The following ZNF85 variants were observed in gnomAD, a reference collection of about 807,000 sequenced individuals.
ZNF85 encodes the protein zinc finger protein 85.
Under a neutral mutation model 53.9 loss-of-function variants are expected in ZNF85, and 50 were observed. The observed-to-expected ratio is 0.93, with a 90% CI of 0.74 to 1.17. The LOEUF (loss-of-function observed/expected upper bound fraction) is 1.17, where lower values mean the gene tolerates loss of function less well. Ranked by LOEUF, ZNF85 falls within the 50% of genes most tolerant of loss-of-function variation. The pLI, the probability that ZNF85 is intolerant of heterozygous loss-of-function variation, is 0.00. For synonymous variants in ZNF85, 225 were observed against 226.1 expected (o/e 1.00, Z 0.04); for missense variants, 747 against 688.5 (o/e 1.08, Z -0.95).
chr19:20,946,393 A>G (rs1159561364), intron 3 of ZNF85: 5 of 387,800 alleles, frequency 1.3e-5, no homozygotes, highest in Middle Eastern at 3.8e-4. Context: ...GTTAGAAGTA[A>G]TTGTTTTATA....
At position 20,934,005 on chromosome 19, in the gene ZNF85, ATG is replaced by A; in HGVS notation, c.4-11_4-10del. On this transcript the variant is annotated splice_polypyrimidine_tract_variant and intron_variant, in intron 1 of 3. Transcript: ENST00000328178. The stretch of plus-strand genomic sequence containing the variant: ...TGTGTGTGTGTGTGTGTGTATGTGT[ATG>A]TGTGTGTATCTTTCAGGGACCATTG... 3 of 1,420,330 alleles carry A rather than the reference ATG, an allele frequency of 2.1e-6. No individual in the cohort carries two copies. Among genetic ancestry groups the A allele is most frequent in the Admixed American group, 2.0e-5 (1 of 49,084 alleles). The allele number at this position is 1,420,330 out of a possible 1,614,324, so 88.0% of individuals were successfully genotyped here.
chr19:20,943,955 A>G, intron 3 of ZNF85: 5 of 237,244 alleles, frequency 2.1e-5, no homozygotes, highest in Non-Finnish European at 3.4e-5. Context: ...TGCATGTAAT[A>G]AAAAGTTTTT....
At chr19:20,934,462 T>C (rs1973107642) in intron 2 of ZNF85, among the ~76,000 whole-genome samples, 2 of 152,156 alleles carry the variant, frequency 1.3e-5, no homozygotes, top group South Asian at 4.1e-4. Flanking sequence ...GATTCAATAG[T>C]ACTGGATAGT....
intron 1 of ZNF85, among the ~76,000 whole-genome samples, chr19:20,930,287 C>T (rs1339479554): frequency 1.3e-5 from 2 of 152,028 alleles, no homozygotes; most frequent in African/African-American, 4.8e-5. Context: ...AAAGTGAGTG[C>T]TTGCAGAAAC....
At chr19:20,937,861 G>A (rs994797296) in intron 3 of ZNF85, among the ~76,000 whole-genome samples, 1 of 152,218 alleles carries the variant, frequency 6.6e-6, no homozygotes, top group Non-Finnish European at 1.5e-5. Context: ...TGGCTGGGAG[G>A]AGTTTGGGAT....
chr19:20,928,929 T>C (rs1169275683), intron 1 of ZNF85, among the ~76,000 whole-genome samples: 1 of 152,164 alleles, frequency 6.6e-6, no homozygotes, highest in African/African-American at 2.4e-5. Context: ...GTTTCTTATA[T>C]AGGTAAAATT....
At chr19:20,947,912 A>T (rs1249148606) in intron 3 of ZNF85, among the ~76,000 whole-genome samples, 1 of 151,850 alleles carries the variant, frequency 6.6e-6, no homozygotes, top group South Asian at 2.1e-4. Flanking sequence ...ACTAATTTGT[A>T]TATCTTTATT....
In ZNF85 at chr19:20,949,997, T is replaced by C; in HGVS notation, c.1483T>C (p.Ser495Pro). Residue 495 changes from serine (S) to proline (P), a missense_variant, in exon 4 of 4, where the codon TCA becomes CCA. Ser to Pro is a moderately conservative substitution (Grantham distance 74, BLOSUM62 -1). Transcript: ENST00000328178. Reference protein sequence around the residue: ...EECGKGFKWPSTLTIHKIIHT... With the variant: ...EECGKGFKWPPTLTIHKIIHT... ...ATGTGGCAAAGGTTTTAAATGGCCC[T>C]CAACCCTTACTATCCATAAGATAAT... 1 of 1,612,954 alleles carries C rather than the reference T, an allele frequency of 6.2e-7. No individual in the cohort carries two copies. The highest frequency in any genetic ancestry group is 8.5e-7 in the Non-Finnish European group (1 of 1,179,652).
chr19:20,942,633 T>G (rs1368663387), intron 3 of ZNF85, among the ~76,000 whole-genome samples: 5 of 151,744 alleles, frequency 3.3e-5, no homozygotes, highest in African/African-American at 4.8e-5. Flanking sequence ...TTTTTGAAAC[T>G]TGGGCAAGAA....
intron 1 of ZNF85, among the ~76,000 whole-genome samples, chr19:20,924,296 G>T (rs770402977): frequency 6.6e-6 from 1 of 152,158 alleles, no homozygotes; most frequent in Admixed American, 6.5e-5. Flanking sequence ...TTGTACGATC[G>T]TGTTGGCAAT....
chr19:20,942,289 C>G (rs372456451), intron 3 of ZNF85, among the ~76,000 whole-genome samples: 98 of 149,834 alleles, frequency 6.5e-4, no homozygotes, highest in African/African-American at 2.4e-3. Flanking sequence ...ATTACAGGCA[C>G]CCACCTCCAC....
chr19:20,942,189 CAG>C (rs1047784539), intron 3 of ZNF85, among the ~76,000 whole-genome samples: 2 of 150,794 alleles, frequency 1.3e-5, no homozygotes, highest in Non-Finnish European at 2.9e-5. Flanking sequence ...TTTCCTGAGA[CAG>C]AGTCTCTCAC....
intron 1 of ZNF85, among the ~76,000 whole-genome samples, chr19:20,932,855 C>CCTCA (rs1225212727): frequency 1.3e-5 from 2 of 151,980 alleles, no homozygotes; most frequent in Admixed American, 6.6e-5. Context: ...AGTATCACAG[C>CCTCA]CGTGATGCTG....
At position 20,950,341 on chromosome 19, in the gene ZNF85, TA is replaced by T; in HGVS notation, c.*42del. The T allele has an allele frequency of 7.2e-7, 1 of 1,397,234 alleles. No individual in the cohort carries two copies. The highest frequency in any genetic ancestry group is 9.6e-7 in the Non-Finnish European group (1 of 1,045,812). The allele number at this position is 1,397,234 out of a possible 1,614,324, so 86.6% of individuals were successfully genotyped here. A position where few individuals can be genotyped will look rare whatever the true frequency, so the allele number is the denominator to read the frequency against. On this transcript the variant is annotated 3_prime_UTR_variant, in exon 4 of 4. Transcript: ENST00000328178. Reference sequence around the variant, plus strand: ...GCTTTAATCAATTTACAAGTCTTACTAAACATAAGAAAATTTATACTGGAGA... The same window carrying T: ...GCTTTAATCAATTTACAAGTCTTACTAACATAAGAAAATTTATACTGGAGA...
At position 20,950,105 on chromosome 19, in the gene ZNF85, A is replaced by G; in HGVS notation, c.1591A>G (p.Ile531Val). Residue 531 changes from isoleucine to valine, a missense_variant, in exon 4 of 4, where the codon ATT (isoleucine) becomes GTT (valine). Physicochemically the swap from Ile to Val is conservative, Grantham distance 29 (BLOSUM62 3). Transcript: ENST00000328178. The part of the protein sequence containing the change: ...QSSKLTKHKK[I>V]HTGEKPYTCE... Reference sequence around the variant, plus strand: ...CTCAAAACTTACCAAACATAAGAAAATTCATACTGGAGAGAAACCCTACAC... The same window carrying G: ...CTCAAAACTTACCAAACATAAGAAAGTTCATACTGGAGAGAAACCCTACAC... The G allele has an allele frequency of 6.2e-7, 1 of 1,613,544 alleles. No individual in the cohort carries two copies. The highest frequency in any genetic ancestry group is 8.5e-7 in the Non-Finnish European group (1 of 1,179,874).
intron 3 of ZNF85, among the ~76,000 whole-genome samples, chr19:20,935,395 A>G (rs1049579561): frequency 6.6e-6 from 1 of 152,152 alleles, no homozygotes; most frequent in African/African-American, 2.4e-5. Context: ...ATGTTAAGCA[A>G]TATTTTTAAT....
At chr19:20,938,850 A>G (rs1973221337) in intron 3 of ZNF85, among the ~76,000 whole-genome samples, 2 of 140,986 alleles carry the variant, frequency 1.4e-5, no homozygotes, top group African/African-American at 2.6e-5. Flanking sequence ...ATTCTGCTAT[A>G]TGTGTGTGTG....
Position 20,950,587 on chromosome 19 carries a change from T to C in ZNF85, c.*285T>C, listed in dbSNP as rs917987626. The stretch of plus-strand genomic sequence containing the variant: ...TCACACCTTACTGCACAGAAAAGAA[T>C]TTTTAGTTGAGAAAAAGTATACAAA... On this transcript the variant is annotated 3_prime_UTR_variant, in exon 4 of 4. Coordinates refer to ENST00000328178, the MANE Select transcript of ZNF85 (RefSeq NM_003429.5). The C allele has an allele frequency of 7.4e-6, 2 of 268,504 alleles. No homozygotes were observed. Among genetic ancestry groups the C allele is most frequent in the Non-Finnish European group, 1.4e-5 (2 of 144,578 alleles). The allele number at this position is 268,504 out of a possible 1,614,324, so 16.6% of individuals were successfully genotyped here. A position where few individuals can be genotyped will look rare whatever the true frequency, so the allele number is the denominator to read the frequency against.
Position 20,950,239 on chromosome 19 carries a change from T to C in ZNF85, c.1725T>C (p.Phe575=), listed in dbSNP as rs1262816055. ...AATGTGAAGAATGTGACAAAGCTTT[T>C]AAATGGTCCTCAGTCCTTACTAAAC... ...PYKCEECDKA[F]KWSSVLTKHK... Residue 575 remains phenylalanine, a synonymous_variant, in exon 4 of 4, where the codon TTT becomes TTC. Transcript: ENST00000328178. 6.2e-7 allele frequency: 1 copy of C among 1,604,766 alleles called. No individual in the cohort carries two copies. Among genetic ancestry groups the C allele is most frequent in the African/African-American group, 1.3e-5 (1 of 74,454 alleles).
Sources: allele counts gnomAD v4.1 joint callset (sites outside exome capture counted in the v4.1 genomes callset), GRCh38; gene constraint gnomAD v4.1.1; transcripts MANE v1.5; gene names NCBI Gene and HGNC (gene_info 2026-07-23, HGNC 2026-07-21).